PSTPIP2: variants seen among roughly 807,000 people sequenced by gnomAD.
PSTPIP2 encodes the protein proline-serine-threonine phosphatase-interacting protein 2.
PSTPIP2 carries 33 observed loss-of-function variants against 63.3 expected under a neutral mutation model. The ratio of observed to expected loss-of-function variants is 0.52; its 90% CI spans 0.40 to 0.70. PSTPIP2 has a LOEUF of 0.70. PSTPIP2 is among the 30% of genes least tolerant of loss of function. The probability of loss-of-function intolerance (pLI) is 0.00; values close to 1 mark genes in which losing one functional copy is unlikely to be tolerated. For synonymous variants in PSTPIP2, 125 were observed against 132.7 expected, an observed-to-expected ratio of 0.94 and a Z score of 0.40; for missense variants, 312 against 400.7, an observed-to-expected ratio of 0.78 and a Z score of 1.89.
chr18:46,070,210 A>G (rs1909343332), intron 1 of PSTPIP2, among the ~76,000 whole-genome samples: 1 of 152,194 alleles, frequency 6.6e-6, no homozygotes, highest in African/African-American at 2.4e-5. Flanking sequence ...CATCTTCCCA[A>G]GGGGCGGGGC....
chr18:46,032,972 T>A (rs1907837317), intron 2 of PSTPIP2, among the ~76,000 whole-genome samples: 1 of 152,182 alleles, frequency 6.6e-6, no homozygotes, highest in African/African-American at 2.4e-5. Flanking sequence ...TTTTGCTCAA[T>A]TTTACTGTAT....
Position 46,040,038 on chromosome 18 carries a change from T to A in PSTPIP2, c.43A>T (p.Ile15Phe), listed in dbSNP as rs910256171. ...LFKGNFWSAD[I>F]LSTIGYDNII... ...TTGTCATAGCCGATGGTGCTGAGGA[T>A]GTCTGCACTCTGGGGGAAAGACAAC... is the stretch of plus-strand genomic sequence containing the variant. Residue 15 changes from isoleucine (I) to phenylalanine (F), a missense_variant, in exon 2 of 15, where the codon ATC becomes TTC. By Grantham distance (21) the Ile-to-Phe change is conservative (BLOSUM62 0). Coordinates refer to ENST00000409746, the MANE Select transcript of PSTPIP2 (RefSeq NM_024430.4). 1.9e-6 allele frequency: 3 copies of A among 1,605,870 alleles called. No homozygotes were observed. The highest frequency in any genetic ancestry group is 2.2e-5 in the East Asian group (1 of 44,754).
chr18:46,002,678 A>G (rs1438115644), intron 6 of PSTPIP2, among the ~76,000 whole-genome samples: 1 of 152,078 alleles, frequency 6.6e-6, no homozygotes, highest in Non-Finnish European at 1.5e-5. Context: ...AGTGTGAATC[A>G]GGTGTAGTGG....
chr18:46,014,925 A>G (rs1175708388), intron 4 of PSTPIP2, among the ~76,000 whole-genome samples: 1 of 152,156 alleles, frequency 6.6e-6, no homozygotes, highest in Non-Finnish European at 1.5e-5. Flanking sequence ...AGCTGGTGTC[A>G]GGGATGAGGA....
chr18:46,025,787 C>T (rs1320759157), intron 2 of PSTPIP2, among the ~76,000 whole-genome samples: 1 of 152,186 alleles, frequency 6.6e-6, no homozygotes, highest in African/African-American at 2.4e-5. Flanking sequence ...GAGTGTCTCA[C>T]TCTGCCACCC....
At position 46,029,348 on chromosome 18, in the gene PSTPIP2, T is replaced by C. The variant is rs528291213; in HGVS notation, c.135-4662A>G. 6.9e-4 allele frequency: 1,079 copies of C among 1,559,158 alleles called. 6 individuals carry two copies. The African/African-American group carries it at 0.012, about 18-fold the overall frequency. On this transcript the variant is annotated intron_variant, in intron 2 of 14. Transcript: ENST00000409746. ...AAGAACTGATTGGAAGCATGAAAAT[T>C]AATGGAAGGGTTGCAGCATCCACGT...
intron 1 of PSTPIP2, among the ~76,000 whole-genome samples, chr18:46,071,034 G>T (rs576368052): frequency 6.6e-6 from 1 of 152,072 alleles, no homozygotes; most frequent in African/African-American, 2.4e-5. Flanking sequence ...GGTGCCCTTG[G>T]TTCCTCTGTG....
intron 1 of PSTPIP2, among the ~76,000 whole-genome samples, chr18:46,057,205 C>T (rs1000686437): frequency 3.3e-5 from 5 of 152,216 alleles, no homozygotes; most frequent in Admixed American, 2.6e-4. Context: ...TCCCACTCAG[C>T]AGAGACCCCT....
At chr18:45,999,672 C>T (rs1314219709) in intron 6 of PSTPIP2, 138 bp from the exon 7 acceptor site, 3 of 732,610 alleles carry the variant, frequency 4.1e-6, no homozygotes, top group East Asian at 2.7e-5. Context: ...CATGGGCTCC[C>T]AGAGGGCAGA....
chr18:46,072,078 C>A (rs1599758517), intron 1 of PSTPIP2, 78 bp downstream of exon 1: 8 of 1,481,346 alleles, frequency 5.4e-6, no homozygotes, highest in South Asian at 1.3e-5. Context: ...GCTGGGGAGC[C>A]CCCCACGCCC....
At chr18:46,006,604 G>A (rs1048257179) in intron 5 of PSTPIP2, among the ~76,000 whole-genome samples, 1 of 150,366 alleles carries the variant, frequency 6.7e-6, no homozygotes, top group African/African-American at 2.5e-5. Context: ...TCGAACTGCT[G>A]ACCTCATGAT....
intron 6 of PSTPIP2, among the ~76,000 whole-genome samples, chr18:46,004,538 C>A (rs2051704078): frequency 6.6e-6 from 1 of 152,124 alleles, no homozygotes; most frequent in Admixed American, 6.5e-5. Context: ...AATAGGTAAG[C>A]AATCAAGATT....
Position 46,014,200 on chromosome 18 carries a change from T to G in PSTPIP2, c.247+1703A>C, listed in dbSNP as rs113137655. 5.3e-3 allele frequency among the ~76,000 whole-genome samples: 813 copies of G among 152,066 alleles called. 9 individuals carry two copies. Among genetic ancestry groups the G allele is most frequent in the Middle Eastern group, 0.014 (4 of 294 alleles). On this transcript the variant is annotated intron_variant, in intron 4 of 14. Coordinates refer to ENST00000409746, the MANE Select transcript of PSTPIP2 (RefSeq NM_024430.4). ...AACATGCCTGGCTAACTTTTGTATTTTAGTCGAGATGGAGTTTTACCATGT... is the reference window on the plus strand; with the variant it reads ...AACATGCCTGGCTAACTTTTGTATTGTAGTCGAGATGGAGTTTTACCATGT...
At chr18:46,040,274 C>A in intron 1 of PSTPIP2, 1 of 398,004 alleles carries the variant, frequency 2.5e-6, no homozygotes, top group South Asian at 4.0e-5. Context: ...TCTAGCTAGC[C>A]CTGCAACCAG....
At chr18:46,044,395 C>T (rs1389355914) in intron 1 of PSTPIP2, among the ~76,000 whole-genome samples, 4 of 152,066 alleles carry the variant, frequency 2.6e-5, no homozygotes, top group African/African-American at 7.2e-5. Flanking sequence ...CTGAGAAAAA[C>T]AAGCAATGGG....
chr18:46,061,677 A>G (rs922035251), intron 1 of PSTPIP2, among the ~76,000 whole-genome samples: 1 of 152,210 alleles, frequency 6.6e-6, no homozygotes, highest in Non-Finnish European at 1.5e-5. Context: ...AGGACAAATC[A>G]ACAGTGCCCA....
intron 1 of PSTPIP2, among the ~76,000 whole-genome samples, chr18:46,044,180 A>G (rs945480278): frequency 6.6e-6 from 1 of 152,224 alleles, no homozygotes; most frequent in African/African-American, 2.4e-5. Flanking sequence ...ACATGGAAAC[A>G]AAAAAGAGTC....
At chr18:46,011,687 G>A (rs903710132) in intron 4 of PSTPIP2, among the ~76,000 whole-genome samples, 1 of 152,178 alleles carries the variant, frequency 6.6e-6, no homozygotes, top group Non-Finnish European at 1.5e-5. Context: ...GAGCCTAAAT[G>A]TTTATAAGAA....
At chr18:45,987,004 C>T (rs1466758850) in intron 14 of PSTPIP2, among the ~76,000 whole-genome samples, 1 of 151,970 alleles carries the variant, frequency 6.6e-6, no homozygotes, top group Non-Finnish European at 1.5e-5. Context: ...TGGCTGGCTA[C>T]TTTTTTGTAT....
Sources: allele counts gnomAD v4.1 joint callset (sites outside exome capture counted in the v4.1 genomes callset), GRCh38; gene constraint gnomAD v4.1.1; transcripts MANE v1.5; gene names NCBI Gene and HGNC (gene_info 2026-07-23, HGNC 2026-07-21).